Variants in CAMTA1 observed in about 807,000 individuals in gnomAD.
The protein encoded by CAMTA1 is calmodulin-binding transcription activator 1.
In CAMTA1, 27 loss-of-function variants were observed where a neutral mutation model predicts 170.9. That is an observed-to-expected ratio of 0.16 (90% CI 0.12 to 0.22). The LOEUF (loss-of-function observed/expected upper bound fraction) is 0.22. CAMTA1 is among the 10% of genes least tolerant of loss of function. The pLI is 1.00. For synonymous variants in CAMTA1, 833 were observed against 891.5 expected (o/e 0.93, Z 1.17); for missense variants, 1,619 against 2,217.2 (o/e 0.73, Z 5.42).
chr1:7,248,320 C>A lies in CAMTA1; in HGVS notation c.303-1171C>A, dbSNP rs908624420. Among the ~76,000 whole-genome samples, 1 of 152,192 alleles carries A rather than the reference C, an allele frequency of 6.6e-6. No individual in the cohort carries two copies. Among genetic ancestry groups the A allele is most frequent in the Non-Finnish European group, 1.5e-5 (1 of 68,038 alleles). On this transcript the variant is annotated intron_variant, in intron 4 of 22. Transcript: ENST00000303635. This position sits in a 1 kb window ranked among gnomAD's most constrained non-coding sequence, Gnocchi z 4.0. Reference sequence around the variant, plus strand: ...TATGGTTTCCTCGCCTCCGTTGTAGCAGAGCAACATACAAGCCAGGCTGAA... The same window carrying A: ...TATGGTTTCCTCGCCTCCGTTGTAGAAGAGCAACATACAAGCCAGGCTGAA...
chr1:7,739,196 C>G (rs2096792396), intron 16 of CAMTA1, among the ~76,000 whole-genome samples: 1 of 147,458 alleles, frequency 6.8e-6, no homozygotes, highest in Non-Finnish European at 1.5e-5. Context: ...TTGATGCAAC[C>G]TAAAACAAAC....
At chr1:6,945,352 A>G (rs930458599) in intron 3 of CAMTA1, among the ~76,000 whole-genome samples, 1 of 151,924 alleles carries the variant, frequency 6.6e-6, no homozygotes, top group Non-Finnish European at 1.5e-5. Flanking sequence ...TTAATTTTTT[A>G]ACTAATTTTT....
At chr1:7,761,552 A>C (rs2096975971) in intron 22 of CAMTA1, among the ~76,000 whole-genome samples, 2 of 152,230 alleles carry the variant, frequency 1.3e-5, no homozygotes, top group South Asian at 4.1e-4. Flanking sequence ...TGTGTGTAAC[A>C]TAACAAAAGT....
chr1:7,471,210 C>T lies in CAMTA1; in HGVS notation c.510+3309C>T, dbSNP rs78372694. ...CTTTCAGGCTCTCTGTCTCTCTCTG[C>T]GTCTCTCTCTGTCATGTTCTCCCTC... is the stretch of plus-strand genomic sequence containing the variant. On this transcript the variant is annotated intron_variant, in intron 6 of 22. Coordinates refer to ENST00000303635, the MANE Select transcript of CAMTA1 (RefSeq NM_015215.4). Among the ~76,000 whole-genome samples the T allele has an allele frequency of 9.9e-3, 1,507 of 152,308 alleles. 28 individuals are homozygous for T. The highest frequency in any genetic ancestry group is 0.073 in the East Asian group (378 of 5,178).
At chr1:7,621,888 T>G (rs541394105) in intron 6 of CAMTA1, among the ~76,000 whole-genome samples, 6 of 152,186 alleles carry the variant, frequency 3.9e-5, no homozygotes, top group Non-Finnish European at 7.3e-5. Context: ...CTCGGCCACG[T>G]CTCGGCTCCC....
At chr1:6,878,519 C>G (rs1670576101) in intron 3 of CAMTA1, among the ~76,000 whole-genome samples, 4 of 152,226 alleles carry the variant, frequency 2.6e-5, no homozygotes, top group African/African-American at 9.6e-5. Context: ...TGACTTGTAC[C>G]TGCCTGCCTC....
intron 5 of CAMTA1, among the ~76,000 whole-genome samples, chr1:7,291,900 C>T (rs946643873): frequency 1.3e-5 from 2 of 152,236 alleles, no homozygotes; most frequent in Admixed American, 6.5e-5. Context: ...CAGCTTCCCC[C>T]GCTGTTTTGA....
intron 4 of CAMTA1, among the ~76,000 whole-genome samples, chr1:7,147,001 C>T (rs538897613): frequency 1.1e-4 from 16 of 152,022 alleles, no homozygotes; most frequent in African/African-American, 2.4e-4. Context: ...CACGCACACA[C>T]GCACTCAAAC....
chr1:6,796,320 C>T lies in CAMTA1; in HGVS notation c.45+10745C>T, dbSNP rs564432054. On this transcript the variant is annotated intron_variant, in intron 1 of 22. Transcript: ENST00000303635. ...GCCTGGCTAATTTTTGTATTTTTTG[C>T]GGAGATGGAGTTTCGCCGTGTTGCC... is the stretch of plus-strand genomic sequence containing the variant. Among the ~76,000 whole-genome samples, 34 of 151,416 alleles carry T rather than the reference C, an allele frequency of 2.2e-4. 1 individual carries two copies. Among genetic ancestry groups the T allele is most frequent in the Admixed American group, 3.3e-4 (5 of 15,206 alleles).
At chr1:6,798,118 C>T (rs1417389047) in intron 1 of CAMTA1, among the ~76,000 whole-genome samples, 1 of 151,628 alleles carries the variant, frequency 6.6e-6, no homozygotes, top group Non-Finnish European at 1.5e-5. Context: ...TGCCTCGCCC[C>T]CCAAGTAGCT....
chr1:7,764,953 C>A (rs2097007253), intron 22 of CAMTA1, among the ~76,000 whole-genome samples: 1 of 151,160 alleles, frequency 6.6e-6, no homozygotes, highest in South Asian at 2.1e-4. Flanking sequence ...GAGTTAGACT[C>A]CGTCTCAAAA....
At chr1:7,444,571 G>A (rs907898913) in intron 5 of CAMTA1, among the ~76,000 whole-genome samples, 1 of 152,262 alleles carries the variant, frequency 6.6e-6, no homozygotes, top group African/African-American at 2.4e-5. Context: ...TGAGGAAGCA[G>A]GAAGTGAAGC....
chr1:7,449,907 A>C (rs2092780207), intron 5 of CAMTA1, among the ~76,000 whole-genome samples: 1 of 151,978 alleles, frequency 6.6e-6, no homozygotes, highest in Admixed American at 6.5e-5. Context: ...CCCCCAGGGG[A>C]GAAAGGCGTT....
intron 5 of CAMTA1, among the ~76,000 whole-genome samples, chr1:7,427,178 G>T (rs1010532587): frequency 1.3e-5 from 2 of 152,146 alleles, no homozygotes; most frequent in Non-Finnish European, 2.9e-5. Flanking sequence ...GGCCATCTTT[G>T]ATAAAAAATT....
rs529796839 is a variant in CAMTA1 at position 7,331,841 on chromosome 1, A to G, written c.438+82215A>G. The stretch of plus-strand genomic sequence containing the variant: ...GGGCTGCTGACTCTGGGTAACTTAC[A>G]TGTCCCTCGTCCTTCTTATTCTGCT... On this transcript the variant is annotated intron_variant, in intron 5 of 22. Coordinates refer to ENST00000303635, the MANE Select transcript of CAMTA1 (RefSeq NM_015215.4). Among the ~76,000 whole-genome samples, 4 of 152,284 alleles carry G rather than the reference A, an allele frequency of 2.6e-5. No individual in the cohort carries two copies. The East Asian group carries it at 5.8e-4, about 22-fold the overall frequency.
chr1:7,664,265 G>A lies in CAMTA1; in HGVS notation c.1718G>A (p.Gly573Asp), dbSNP rs773216977. 6.2e-7 allele frequency: 1 copy of A among 1,612,678 alleles called. No homozygotes were observed. The highest frequency in any genetic ancestry group is 1.1e-5 in the South Asian group (1 of 91,064). The change falls in exon 9 of 23, where the codon GGC becomes GAC. Residue 573 changes from glycine to aspartate, a missense_variant. Transcript: ENST00000303635. ...TAGSSLLPSG[G>D]GLSPSTTLEQ... The stretch of plus-strand genomic sequence containing the variant: ...GGCTCCAGCCTCCTGCCGTCGGGCG[G>A]CGGCCTGAGTCCCAGCACCACCCTG...
chr1:7,127,018 C>A (rs1179631050), intron 4 of CAMTA1, among the ~76,000 whole-genome samples: 2 of 152,104 alleles, frequency 1.3e-5, no homozygotes, highest in African/African-American at 4.8e-5. Flanking sequence ...ATCCACCCAC[C>A]TCAGCCTCCC....
Position 7,641,742 on chromosome 1 carries a change from C to T in CAMTA1, c.664+1189C>T, listed in dbSNP as rs72867178. 8.0e-3 allele frequency among the ~76,000 whole-genome samples: 1,211 copies of T among 152,212 alleles called. 11 individuals are homozygous for T. Among genetic ancestry groups the T allele is most frequent in the African/African-American group, 0.027 (1,137 of 41,542 alleles). On this transcript the variant is annotated intron_variant, in intron 7 of 22. Transcript: ENST00000303635. This position sits in a 1 kb window ranked among gnomAD's most constrained non-coding sequence, Gnocchi z 4.5. ...ACGTGTCGTCCTTTGAGCCAAGTAC[C>T]CCGTGGGGAGGTTTGGACCAGGCTT...
At chr1:7,024,310 A>G (rs1701770640) in intron 3 of CAMTA1, among the ~76,000 whole-genome samples, 2 of 150,948 alleles carry the variant, frequency 1.3e-5, no homozygotes, top group Non-Finnish European at 2.9e-5. Context: ...GCAAAAATCC[A>G]TGTGTGGGCA....
Sources: allele counts gnomAD v4.1 joint callset (sites outside exome capture counted in the v4.1 genomes callset), GRCh38; gene constraint gnomAD v4.1.1; non-coding constraint Gnocchi (gnomAD v3.1); transcripts MANE v1.5; gene names NCBI Gene and HGNC (gene_info 2026-07-23, HGNC 2026-07-21).